NME7: variants seen among roughly 807,000 people sequenced by gnomAD.
NME7 encodes the protein nucleoside diphosphate kinase 7.
Under a neutral mutation model 49.1 loss-of-function variants are expected in NME7, and 41 were observed. The ratio of observed to expected loss-of-function variants is 0.83; its 90% CI spans 0.65 to 1.08. The LOEUF (loss-of-function observed/expected upper bound fraction) is 1.08. Ranked by LOEUF, NME7 falls within the 50% of genes least tolerant of loss-of-function variation. The pLI is 0.00. For synonymous variants in NME7, 139 were observed against 150.6 expected, an observed-to-expected ratio of 0.92 and a Z score of 0.56; for missense variants, 423 against 463.4, an observed-to-expected ratio of 0.91 and a Z score of 0.80.
chr1:169,157,588 A>G (rs982544169), intron 11 of NME7, among the ~76,000 whole-genome samples: 1 of 152,212 alleles, frequency 6.6e-6, no homozygotes, highest in African/African-American at 2.4e-5. Flanking sequence ...AAATCTGGGT[A>G]ATCAATCAGG....
In NME7 at chr1:169,282,543, G is replaced by A. The variant is rs1650065364; in HGVS notation, c.754+4760C>T. ...CTAGTTCTTTCAATTTTGATGTTAG[G>A]GTATCAATTTTAGATCTTTCCTGCT... On this transcript the variant is annotated intron_variant, in intron 7 of 11. Coordinates refer to ENST00000367811, the MANE Select transcript of NME7 (RefSeq NM_013330.5). Among the ~76,000 whole-genome samples the A allele has an allele frequency of 2.0e-5, 3 of 151,756 alleles. No individual in the cohort carries two copies. The South Asian group carries it at 6.3e-4, about 32-fold the overall frequency.
intron 10 of NME7, among the ~76,000 whole-genome samples, chr1:169,180,602 C>T (rs1175005050): frequency 6.6e-6 from 1 of 152,120 alleles, no homozygotes; most frequent in Non-Finnish European, 1.5e-5. Context: ...TTTTTTGAAA[C>T]CATCTAATCT....
Position 169,287,350 on chromosome 1 carries a change from A to G in NME7, c.707T>C (p.Phe236Ser). The change falls in exon 7 of 12, where the codon TTT (phenylalanine) becomes TCT (serine). Residue 236 changes from phenylalanine (F) to serine (S), a missense_variant. By Grantham distance (155) the Phe-to-Ser change is radical (BLOSUM62 -2). Coordinates refer to ENST00000367811, the MANE Select transcript of NME7 (RefSeq NM_013330.5). Reference sequence around the variant, plus strand: ...AACAATGCAACAGGTACAATTAGTAAATTTAGCAGTGTTTGCCGGCCCACA... The same window carrying G: ...AACAATGCAACAGGTACAATTAGTAGATTTAGCAGTGTTTGCCGGCCCACA... ...GGCGPANTAK[F>S]TNCTCCIVKP... 1 of 1,611,276 alleles carries G rather than the reference A, an allele frequency of 6.2e-7. No homozygotes were observed. The highest frequency in any genetic ancestry group is 8.5e-7 in the Non-Finnish European group (1 of 1,178,802).
intron 7 of NME7, among the ~76,000 whole-genome samples, chr1:169,248,062 GT>G (rs1282226986): frequency 6.6e-6 from 1 of 152,088 alleles, no homozygotes; most frequent in Admixed American, 6.6e-5. Flanking sequence ...TCTCCATATT[GT>G]TTTTTATACA....
At chr1:169,165,171 T>C (rs1022828685) in intron 11 of NME7, among the ~76,000 whole-genome samples, 1 of 152,140 alleles carries the variant, frequency 6.6e-6, no homozygotes, top group Non-Finnish European at 1.5e-5. Flanking sequence ...GAAAACAAAT[T>C]TCTGTATTCA....
At chr1:169,347,633 T>C (rs907746980) in intron 1 of NME7, among the ~76,000 whole-genome samples, 1 of 152,202 alleles carries the variant, frequency 6.6e-6, no homozygotes, top group Non-Finnish European at 1.5e-5. Context: ...TTCTTTTTTC[T>C]TTCAAGAATA....
At chr1:169,334,432 T>C (rs1180438410) in intron 1 of NME7, among the ~76,000 whole-genome samples, 1 of 152,174 alleles carries the variant, frequency 6.6e-6, no homozygotes, top group Non-Finnish European at 1.5e-5. Context: ...ATCTCATCTT[T>C]GACAAACCTG....
chr1:169,285,888 C>G (rs2101894186), intron 7 of NME7: 1 of 152,142 alleles, frequency 6.6e-6, no homozygotes, highest in African/African-American at 2.4e-5. Flanking sequence ...CATATCCTTC[C>G]AACAAGTAAT....
intron 7 of NME7, among the ~76,000 whole-genome samples, chr1:169,251,911 T>C (rs1249043916): frequency 2.0e-5 from 3 of 150,958 alleles, no homozygotes; most frequent in African/African-American, 7.3e-5. Flanking sequence ...TATGGCTGCA[T>C]AGTATTCCAT....
intron 1 of NME7, 106 bp from the exon 2 acceptor site, chr1:169,324,606 T>C: frequency 1.5e-6 from 1 of 660,986 alleles, no homozygotes. Context: ...CAAAATTACT[T>C]CTACCTATTA....
At chr1:169,281,924 C>T (rs921217805) in intron 7 of NME7, among the ~76,000 whole-genome samples, 1 of 152,038 alleles carries the variant, frequency 6.6e-6, no homozygotes, top group South Asian at 2.1e-4. Context: ...TTTGTTGTGT[C>T]TCTTCCAGGT....
chr1:169,351,179 T>A (rs953123895), intron 1 of NME7, among the ~76,000 whole-genome samples: 8 of 152,076 alleles, frequency 5.3e-5, no homozygotes, highest in Admixed American at 5.2e-4. Context: ...TACCTTTTTT[T>A]AAAAGCTGTC....
In NME7 at chr1:169,210,307, G is replaced by T. The variant is rs115521343; in HGVS notation, c.990+20411C>A. 6.9e-3 allele frequency among the ~76,000 whole-genome samples: 1,044 copies of T among 152,224 alleles called. 15 individuals are homozygous for T. The highest frequency in any genetic ancestry group is 0.024 in the African/African-American group (981 of 41,554). On this transcript the variant is annotated intron_variant, in intron 10 of 11. Transcript: ENST00000367811. ...CACTAGAAGATATGCCTGAATATATGAAAGTATTGTTGATATTATTCCAAT... is the reference window on the plus strand; with the variant it reads ...CACTAGAAGATATGCCTGAATATATTAAAGTATTGTTGATATTATTCCAAT...
rs965138270 is a variant in NME7, at chr1:169,361,836, C to T, written c.3+5872G>A. 6.0e-5 allele frequency among the ~76,000 whole-genome samples: 9 copies of T among 150,578 alleles called. No individual in the cohort carries two copies. In the South Asian group the frequency reaches 1.0e-3, roughly 18 times the overall value. ...AAACCAGAAAAGCTATTAGGAGAAACGTCATAAAGTTGGAAACTGAAAAGC... is the reference window on the plus strand; with the variant it reads ...AAACCAGAAAAGCTATTAGGAGAAATGTCATAAAGTTGGAAACTGAAAAGC... On this transcript the variant is annotated intron_variant, in intron 1 of 11. Coordinates refer to ENST00000367811, the MANE Select transcript of NME7 (RefSeq NM_013330.5).
At chr1:169,279,782 C>T (rs35493809) in intron 7 of NME7, among the ~76,000 whole-genome samples, 10,655 of 152,268 alleles carry the variant, frequency 0.07, 1,487 homozygotes, top group East Asian at 0.67. Context: ...TTCTGTGTCA[C>T]TCACACTGGG....
intron 5 of NME7, 50 bp from the exon 6 acceptor site, chr1:169,298,813 T>C (rs1650818511): frequency 1.4e-6 from 2 of 1,439,236 alleles, no homozygotes; most frequent in South Asian, 1.2e-5. Flanking sequence ...GTCAACTAGG[T>C]ATTTGTCTTA....
rs117274830 is a variant in NME7 at position 169,355,782 on chromosome 1, T to A, written c.3+11926A>T. Among the ~76,000 whole-genome samples, 73 of 152,212 alleles carry A rather than the reference T, an allele frequency of 4.8e-4. No homozygotes were observed. The East Asian group carries it at 0.013, about 28-fold the overall frequency. ...TCTGTCTTGTTTGATTTTTTTTCCA[T>A]AACACTTATCAAAACCTCAAATTAT... On this transcript the variant is annotated intron_variant, in intron 1 of 11. Transcript: ENST00000367811.
At chr1:169,228,041 T>TACACACACAC (rs72257273) in intron 10 of NME7, among the ~76,000 whole-genome samples, 47 of 147,124 alleles carry the variant, frequency 3.2e-4, no homozygotes, top group Admixed American at 1.1e-3. Flanking sequence ...TATGTGTGTA[T>TACACACACAC]ACACACACAC....
chr1:169,295,077 G>C (rs1650655083), intron 6 of NME7, among the ~76,000 whole-genome samples: 1 of 152,076 alleles, frequency 6.6e-6, no homozygotes, highest in Non-Finnish European at 1.5e-5. Flanking sequence ...GCACACGCAG[G>C]CTCCCTTTTA....
Sources: allele counts gnomAD v4.1 joint callset (sites outside exome capture counted in the v4.1 genomes callset), GRCh38; gene constraint gnomAD v4.1.1; transcripts MANE v1.5; gene names NCBI Gene and HGNC (gene_info 2026-07-23, HGNC 2026-07-21).